Variants in BRDT observed in about 807,000 individuals in gnomAD.
BRDT encodes the protein bromodomain testis associated, also known as bromodomain testis-specific protein.
A neutral mutation model predicts 113.9 loss-of-function variants in BRDT; 77 were observed. The ratio of observed to expected loss-of-function variants is 0.68; its 90% CI spans 0.56 to 0.82. BRDT has a LOEUF of 0.82. BRDT is among the 40% of genes least tolerant of loss of function. The probability of loss-of-function intolerance (pLI) is 0.00; values close to 1 mark genes in which losing one functional copy is unlikely to be tolerated. For missense variants in BRDT, 1,027 were observed against 1,105.4 expected (o/e 0.93, Z 1.01); for synonymous variants, 358 against 366.5 (o/e 0.98, Z 0.26).
At chr1:91,987,722 A>G (rs543319334) in intron 12 of BRDT, among the ~76,000 whole-genome samples, 270 of 152,044 alleles carry the variant, frequency 1.8e-3, no homozygotes, top group Non-Finnish European at 3.1e-3. Context: ...TTTAGTTCAA[A>G]TTGGCTTGCT....
intron 6 of BRDT, 122 bp from the exon 7 acceptor site, chr1:91,978,041 AATCTG>A (rs1483286709): frequency 3.6e-5 from 34 of 943,478 alleles, no homozygotes; most frequent in Admixed American, 6.2e-5. Context: ...ACATTTGTCA[AATCTG>A]GATGGTGGAC....
chr1:92,001,114 C>T (rs1344874003), intron 15 of BRDT, among the ~76,000 whole-genome samples: 1 of 152,070 alleles, frequency 6.6e-6, no homozygotes, highest in Non-Finnish European at 1.5e-5. Flanking sequence ...GCATCTTTCC[C>T]TTGGAAGCCC....
chr1:91,965,277 A>C (rs1273474279), intron 3 of BRDT, among the ~76,000 whole-genome samples: 1 of 152,084 alleles, frequency 6.6e-6, no homozygotes, highest in Non-Finnish European at 1.5e-5. Context: ...TTCACATACC[A>C]ATACTTGTTC....
intron 15 of BRDT, among the ~76,000 whole-genome samples, chr1:91,995,410 TG>T (rs1686210923): frequency 4.5e-4 from 1 of 2,218 alleles, no homozygotes; most frequent in African/African-American, 7.3e-4. Flanking sequence ...ATTCTGTGTG[TG>T]TGTGTGTGTG....
At chr1:91,965,203 T>C (rs1006258926) in intron 3 of BRDT, among the ~76,000 whole-genome samples, 1 of 152,036 alleles carries the variant, frequency 6.6e-6, no homozygotes, top group East Asian at 1.9e-4. Flanking sequence ...TGTGAGCCAC[T>C]GTGCCCGGCC....
chr1:91,978,225 T>G lies in BRDT; in HGVS notation c.1027T>G (p.Leu343Val). The G allele has an allele frequency of 6.2e-7, 1 of 1,614,108 alleles. No homozygotes were observed. Among genetic ancestry groups the G allele is most frequent in the Non-Finnish European group, 8.5e-7 (1 of 1,179,972 alleles). ...DAYKFAADVR[L>V]MFMNCYKYNP... is the part of the protein sequence containing the mutation. ...ATACAAATTTGCGGCAGATGTTAGATTAATGTTCATGAATTGCTACAAGTA... is the reference window on the plus strand; with the variant it reads ...ATACAAATTTGCGGCAGATGTTAGAGTAATGTTCATGAATTGCTACAAGTA... Residue 343 changes from leucine to valine, a missense_variant, in exon 7 of 19, where the codon TTA becomes GTA. Transcript: ENST00000399546.
intron 4 of BRDT, among the ~76,000 whole-genome samples, chr1:91,974,772 C>T (rs1223283783): frequency 6.6e-6 from 1 of 152,146 alleles, no homozygotes; most frequent in Non-Finnish European, 1.5e-5. Flanking sequence ...CCCAGCCATC[C>T]CATTACTGGG....
At chr1:92,012,329 G>T (rs1215330967) in intron 18 of BRDT, among the ~76,000 whole-genome samples, 1 of 151,666 alleles carries the variant, frequency 6.6e-6, no homozygotes, top group Non-Finnish European at 1.5e-5. Context: ...GGTATCTAAG[G>T]TTAATTGGTA....
intron 18 of BRDT, among the ~76,000 whole-genome samples, chr1:92,009,236 T>G (rs1470371439): frequency 1.3e-5 from 2 of 152,188 alleles, no homozygotes; most frequent in Non-Finnish European, 2.9e-5. Context: ...TGTGCCTGGC[T>G]TATTTCACTT....
At chr1:91,966,721 T>C (rs1683100466) in intron 3 of BRDT, among the ~76,000 whole-genome samples, 1 of 152,214 alleles carries the variant, frequency 6.6e-6, no homozygotes, top group South Asian at 2.1e-4. Flanking sequence ...ACTTTTTTTC[T>C]CAGTCATAAA....
At chr1:92,003,280 A>G (rs1381352883) in intron 16 of BRDT, among the ~76,000 whole-genome samples, 2 of 152,212 alleles carry the variant, frequency 1.3e-5, no homozygotes, top group East Asian at 3.8e-4. Flanking sequence ...TTTGCCTTAT[A>G]TGGGGCCCTA....
intron 4 of BRDT, among the ~76,000 whole-genome samples, chr1:91,969,702 T>G (rs115131695): frequency 6.6e-6 from 1 of 152,122 alleles, no homozygotes; most frequent in South Asian, 2.1e-4. Context: ...AAATTATTGA[T>G]CTTTTTATTG....
rs55912588 is a variant in BRDT, at chr1:91,981,052, C to A, written c.1624C>A (p.Pro542Thr). The change falls in exon 10 of 19, where the codon CCT becomes ACT. Residue 542 changes from proline (P) to threonine (T), a missense_variant. Physicochemically the swap from Pro to Thr is conservative, Grantham distance 38. Transcript: ENST00000399546. ...AGTTCACATAATACAATCAAGAGAG[C>A]CTTCTCTGAGCAATTCCAATCCTGA... ...RVVHIIQSRE[P>T]SLSNSNPDEI... is the part of the protein sequence containing the mutation. 8.7e-6 allele frequency: 14 copies of A among 1,613,972 alleles called. No homozygotes were observed. The highest frequency in any genetic ancestry group is 1.2e-5 in the Non-Finnish European group (14 of 1,180,020).
chr1:92,000,289 A>G (rs1250869578), intron 15 of BRDT, among the ~76,000 whole-genome samples: 8 of 152,224 alleles, frequency 5.3e-5, no homozygotes, highest in Admixed American at 2.6e-4. Flanking sequence ...CTTACCATAC[A>G]TACTTTTTCT....
chr1:91,979,645 A>G lies in BRDT; in HGVS notation c.1175A>G (p.Asp392Gly), dbSNP rs772927988. 2 of 1,614,128 alleles carry G rather than the reference A, an allele frequency of 1.2e-6. No individual in the cohort carries two copies. Among genetic ancestry groups the G allele is most frequent in the East Asian group, 2.2e-5 (1 of 44,868 alleles). ...ESMPLCYIKT[D>G]ITETTGRENT... ...ATGCCTTTATGTTACATCAAAACAG[A>G]TATCACAGAAACCACTGGTAGAGAG... The change falls in exon 8 of 19, where the codon GAT becomes GGT. Residue 392 changes from aspartate to glycine, a missense_variant. Coordinates refer to ENST00000399546, the MANE Select transcript of BRDT (RefSeq NM_207189.4).
chr1:91,996,342 G>A (rs1034008122), intron 15 of BRDT, among the ~76,000 whole-genome samples: 10 of 152,168 alleles, frequency 6.6e-5, no homozygotes, highest in South Asian at 6.2e-4. Flanking sequence ...TCTGCCTCCC[G>A]GGTTCAAGCA....
chr1:91,952,943 T>A (rs558118918), intron 1 of BRDT, among the ~76,000 whole-genome samples: 6 of 152,038 alleles, frequency 3.9e-5, no homozygotes, highest in Non-Finnish European at 5.9e-5. Flanking sequence ...AATATTGTAA[T>A]TCATTTCTTT....
intron 14 of BRDT, among the ~76,000 whole-genome samples, chr1:91,993,026 G>GA (rs1229233918): frequency 2.0e-5 from 3 of 151,864 alleles, no homozygotes; most frequent in African/African-American, 7.3e-5. Flanking sequence ...ACTCACTGAG[G>GA]AAAAAAATGC....
At chr1:91,958,924 C>T (rs1226454351) in intron 1 of BRDT, among the ~76,000 whole-genome samples, 1 of 151,842 alleles carries the variant, frequency 6.6e-6, no homozygotes, top group Non-Finnish European at 1.5e-5. Context: ...TGGTATGTAC[C>T]TATAGTCCCA....
Sources: allele counts gnomAD v4.1 joint callset (sites outside exome capture counted in the v4.1 genomes callset), GRCh38; gene constraint gnomAD v4.1.1; transcripts MANE v1.5; gene names NCBI Gene and HGNC (gene_info 2026-07-23, HGNC 2026-07-21).